Variants in SLCO3A1 observed in about 807,000 individuals in gnomAD.
SLCO3A1 encodes the protein solute carrier organic anion transporter family member 3A1.
A neutral mutation model predicts 63.1 loss-of-function variants in SLCO3A1; 27 were observed. The observed-to-expected ratio is 0.43, with a 90% CI of 0.32 to 0.59. SLCO3A1 has a LOEUF of 0.59. Among genes scored for constraint, SLCO3A1 ranks in the 20% least tolerant of loss-of-function variants. The pLI, the probability that SLCO3A1 is intolerant of heterozygous loss-of-function variation, is 0.09. For missense variants in SLCO3A1, 773 were observed against 945.8 expected, an observed-to-expected ratio of 0.82 and a Z score of 2.40; for synonymous variants, 473 against 409.9, an observed-to-expected ratio of 1.15 and a Z score of -1.86.
intron 2 of SLCO3A1, among the ~76,000 whole-genome samples, chr15:92,066,747 CG>C (rs2047157179): frequency 6.6e-6 from 1 of 152,190 alleles, no homozygotes; most frequent in African/African-American, 2.4e-5. Flanking sequence ...CATTGCCTGC[CG>C]GGTGCCCTGT....
At chr15:92,121,201 A>G (rs564153202) in intron 5 of SLCO3A1, among the ~76,000 whole-genome samples, 6 of 152,356 alleles carry the variant, frequency 3.9e-5, no homozygotes, top group East Asian at 1.9e-4. Flanking sequence ...TGCACTCATG[A>G]GAAGCAGTGT....
intron 2 of SLCO3A1, among the ~76,000 whole-genome samples, chr15:91,999,457 AG>A (rs574551391): frequency 4.0e-4 from 61 of 152,340 alleles, no homozygotes; most frequent in African/African-American, 1.5e-3. Context: ...GAGAAATCAG[AG>A]GTGAGGAAAC....
chr15:92,001,351 T>C (rs1398555065), intron 2 of SLCO3A1, among the ~76,000 whole-genome samples: 1 of 152,222 alleles, frequency 6.6e-6, no homozygotes, highest in Non-Finnish European at 1.5e-5. Flanking sequence ...TATGGGATGC[T>C]GCTTCCTTGG....
intron 7 of SLCO3A1, among the ~76,000 whole-genome samples, chr15:92,144,939 T>C (rs1243329800): frequency 1.3e-5 from 2 of 152,006 alleles, no homozygotes; most frequent in African/African-American, 4.8e-5. Flanking sequence ...GAAGGAGAGC[T>C]GGGGCAAGAG....
intron 9 of SLCO3A1, chr15:92,162,413 G>GTGCTGGAA (rs2048451107): frequency 4.8e-6 from 1 of 208,496 alleles, no homozygotes. Flanking sequence ...GCCTCCCAAA[G>GTGCTGGAA]TGCTGGAATT....
intron 6 of SLCO3A1, among the ~76,000 whole-genome samples, chr15:92,127,639 T>C (rs1015577960): frequency 1.3e-5 from 2 of 152,214 alleles, no homozygotes; most frequent in Non-Finnish European, 1.5e-5. Context: ...ACATTTCCTC[T>C]CTTATAGAGC....
At chr15:91,990,587 A>G (rs1471090877) in intron 2 of SLCO3A1, among the ~76,000 whole-genome samples, 1 of 151,650 alleles carries the variant, frequency 6.6e-6, no homozygotes, top group Admixed American at 6.6e-5. Context: ...TTCTTCCAGT[A>G]TATACTCAGT....
chr15:92,075,173 C>T (rs1037153112), intron 2 of SLCO3A1, among the ~76,000 whole-genome samples: 5 of 152,178 alleles, frequency 3.3e-5, no homozygotes, highest in Non-Finnish European at 5.9e-5. Flanking sequence ...ATCCTGAATC[C>T]GACTCTGGCT....
chr15:91,970,884 T>C (rs1204310771), intron 2 of SLCO3A1, among the ~76,000 whole-genome samples: 1 of 152,104 alleles, frequency 6.6e-6, no homozygotes, highest in Admixed American at 6.5e-5. Flanking sequence ...AGGGTGTGTG[T>C]GTTTGTGTGT....
chr15:91,944,293 C>T (rs1196269793), intron 2 of SLCO3A1, among the ~76,000 whole-genome samples: 1 of 152,130 alleles, frequency 6.6e-6, no homozygotes, highest in African/African-American at 2.4e-5. Context: ...AGGGCTCCCC[C>T]TTTGGAATGT....
At chr15:92,171,908 C>A in exon 11 of SLCO3A1, 3 of 1,411,462 alleles carry the variant, frequency 2.1e-6, no homozygotes, top group East Asian at 2.5e-5. Flanking sequence ...CCCACCACCA[C>A]CCACAGACCT....
At position 91,894,945 on chromosome 15, in the gene SLCO3A1, C is replaced by T. The variant is rs527389411; in HGVS notation, c.181-21048C>T. Among the ~76,000 whole-genome samples the T allele has an allele frequency of 2.6e-5, 4 of 152,308 alleles. No individual in the cohort carries two copies. The highest frequency in any genetic ancestry group is 9.6e-5 in the African/African-American group (4 of 41,568). On this transcript the variant is annotated intron_variant, in intron 1 of 9. Coordinates refer to ENST00000318445, the MANE Select transcript of SLCO3A1 (RefSeq NM_013272.4). This position sits in a 1 kb window ranked among gnomAD's most constrained non-coding sequence, Gnocchi z 4.8. ...GTCTGTTGTTCCTAATCCATACCTGCATCCTGGACTTGTGGCTGTGAGTCT... is the reference window on the plus strand; with the variant it reads ...GTCTGTTGTTCCTAATCCATACCTGTATCCTGGACTTGTGGCTGTGAGTCT...
At chr15:92,150,064 C>T (rs987196110) in intron 8 of SLCO3A1, among the ~76,000 whole-genome samples, 1 of 152,114 alleles carries the variant, frequency 6.6e-6, no homozygotes, top group Non-Finnish European at 1.5e-5. Context: ...AGAGTCACGT[C>T]CCCATCGCTC....
chr15:92,009,626 C>G (rs1420320246), intron 2 of SLCO3A1, among the ~76,000 whole-genome samples: 1 of 152,208 alleles, frequency 6.6e-6, no homozygotes, highest in Admixed American at 6.5e-5. Context: ...CAAAGGTCAA[C>G]AAGTCTCAGT....
At chr15:92,171,642 T>G in intron 10 of SLCO3A1, 1 of 661,866 alleles carries the variant, frequency 1.5e-6, no homozygotes, top group Non-Finnish European at 2.7e-6. Context: ...AACCCAGCAC[T>G]TTATTGCTTT....
At chr15:92,010,349 A>T (rs2046355683) in intron 2 of SLCO3A1, among the ~76,000 whole-genome samples, 1 of 152,212 alleles carries the variant, frequency 6.6e-6, no homozygotes, top group Non-Finnish European at 1.5e-5. Flanking sequence ...ATGCACGTTA[A>T]CATATTAAAG....
intron 2 of SLCO3A1, among the ~76,000 whole-genome samples, chr15:92,072,971 G>C (rs2047234181): frequency 6.6e-6 from 1 of 152,166 alleles, no homozygotes; most frequent in African/African-American, 2.4e-5. Context: ...GCAGAAGAGA[G>C]AAAGGGGAGA....
chr15:92,002,061 G>A (rs1185606768), intron 2 of SLCO3A1, among the ~76,000 whole-genome samples: 1 of 152,050 alleles, frequency 6.6e-6, no homozygotes, highest in African/African-American at 2.4e-5. Context: ...CCACGACATA[G>A]GGACTCTTGG....
At position 91,912,247 on chromosome 15, in the gene SLCO3A1, A is replaced by ATACT. The variant is rs1020804747; in HGVS notation, c.181-3743_181-3740dup. Among the ~76,000 whole-genome samples the ATACT allele has an allele frequency of 6.6e-6, 1 of 152,166 alleles. No homozygotes were observed. Among genetic ancestry groups the ATACT allele is most frequent in the African/African-American group, 2.4e-5 (1 of 41,428 alleles). On this transcript the variant is annotated intron_variant, in intron 1 of 9. Transcript: ENST00000318445. This position sits in a 1 kb window ranked among gnomAD's most constrained non-coding sequence, Gnocchi z 5.0. ...ACAAGTGGGTTTTATGGCCTCATGC[A>ATACT]TACTTAGTCTGTCTTCTCAAAATTG...
Sources: gnomAD v4.1 joint callset for allele counts (sites outside exome capture counted in the v4.1 genomes callset) on GRCh38, gnomAD v4.1.1 for gene constraint, Gnocchi (gnomAD v3.1) non-coding constraint, MANE v1.5 for transcripts, NCBI Gene and HGNC (gene_info 2026-07-23, HGNC 2026-07-21) for gene names.